Variants in CIZ1 observed in about 807,000 individuals in gnomAD.
The protein encoded by CIZ1 is CDKN1A interacting zinc finger protein 1, also known as cip1-interacting zinc finger protein.
A neutral mutation model predicts 118.6 loss-of-function variants in CIZ1; 58 were observed. The ratio of observed to expected loss-of-function variants is 0.49; its 90% CI spans 0.40 to 0.61. CIZ1 has a LOEUF of 0.61. Ranked by LOEUF, CIZ1 falls within the 20% of genes least tolerant of loss-of-function variation. The pLI is 0.00. For missense variants in CIZ1, 921 were observed against 1,115.9 expected (o/e 0.83, Z 2.49); for synonymous variants, 448 against 443.4 (o/e 1.01, Z -0.13).
Position 128,185,713 on chromosome 9 carries a change from TGTG to T in CIZ1, c.419_421del (p.Pro140del), listed in dbSNP as rs1832275344. 1 of 1,611,706 alleles carries T rather than the reference TGTG, an allele frequency of 6.2e-7. No homozygotes were observed. The highest frequency in any genetic ancestry group is 8.5e-7 in the Non-Finnish European group (1 of 1,178,932). On this transcript the variant is annotated inframe_deletion, in exon 5 of 17. Coordinates refer to ENST00000372938, the MANE Select transcript of CIZ1 (RefSeq NM_001131016.2). ...CTGTTGCAAATTTGGAGTGGCCAGT[TGTG>T]GGGGTGTGAGGCTGGGGGCTGCGAG...
chr9:128,188,877 C>T (rs763817299), intron 3 of CIZ1, among the ~76,000 whole-genome samples: 38 of 151,962 alleles, frequency 2.5e-4, no homozygotes, highest in African/African-American at 7.5e-4. Context: ...CAGCTCACTG[C>T]GACCTCCACC....
chr9:128,200,668 AAAG>A (rs1833490539), intron 1 of CIZ1, among the ~76,000 whole-genome samples: 1 of 150,610 alleles, frequency 6.6e-6, no homozygotes, highest in South Asian at 2.1e-4. Flanking sequence ...AAAAAAAAAA[AAAG>A]AAAGAAATAC....
intron 11 of CIZ1, among the ~76,000 whole-genome samples, chr9:128,175,078 C>T (rs933979067): frequency 6.6e-6 from 1 of 152,176 alleles, no homozygotes; most frequent in Admixed American, 6.5e-5. Context: ...GCTTGTGCTA[C>T]GTATGTCCTT....
chr9:128,188,078 C>CAAAAAAAAAAAAA (rs1832648942), intron 3 of CIZ1, 144 bp from the exon 4 acceptor site: 1 of 150,008 alleles, frequency 6.7e-6, no homozygotes, highest in Non-Finnish European at 1.1e-5. Context: ...CAAAACAAAA[C>CAAAAAAAAAAAAA]AAAACAAAAA....
At position 128,185,552 on chromosome 9, in the gene CIZ1, G is replaced by C. The variant is rs1316600245; in HGVS notation, c.583C>G (p.Arg195Gly). ...CATCCCCACCTACCACTCACCTTTC[G>C]ATTGGGGGTGGTAGAGGAGGAGGTC... ...ARTSSSTTPN[R>G]KDSSSQTMPV... Residue 195 changes from arginine to glycine, a missense_variant, in exon 5 of 17, where the codon CGA (arginine) becomes GGA (glycine). Physicochemically the swap from Arg to Gly is moderately radical, Grantham distance 125 (BLOSUM62 -2). Coordinates refer to ENST00000372938, the MANE Select transcript of CIZ1 (RefSeq NM_001131016.2). The C allele has an allele frequency of 6.6e-7, 1 of 1,511,782 alleles. No homozygotes were observed. Among genetic ancestry groups the C allele is most frequent in the East Asian group, 2.3e-5 (1 of 43,208 alleles). The allele number at this position is 1,511,782 out of a possible 1,614,324, so 93.6% of individuals were successfully genotyped here.
upstream of CIZ1, among the ~76,000 whole-genome samples, chr9:128,195,949 G>C (rs569301358): frequency 6.6e-6 from 1 of 152,076 alleles, no homozygotes; most frequent in South Asian, 2.1e-4. Context: ...CACTGCACCC[G>C]CTGCCTCCTG....
chr9:128,167,181 G>A lies in CIZ1; in HGVS notation c.2296-17C>T, dbSNP rs1328838285. The stretch of plus-strand genomic sequence containing the variant: ...GGACCTCACCTGAAAACATGCAAGT[G>A]TGGGCCTCGGATCTGGCTTCCCCTT... On this transcript the variant is annotated splice_polypyrimidine_tract_variant and intron_variant, in intron 14 of 16. Coordinates refer to ENST00000372938, the MANE Select transcript of CIZ1 (RefSeq NM_001131016.2). 6.4e-7 allele frequency: 1 copy of A among 1,553,130 alleles called. No individual in the cohort carries two copies. The highest frequency in any genetic ancestry group is 8.7e-7 in the Non-Finnish European group (1 of 1,147,938).
rs1200843342 is a variant in CIZ1, at chr9:128,178,722, T to C, written c.1485A>G (p.Val495=). The C allele has an allele frequency of 6.2e-7, 1 of 1,613,328 alleles. No homozygotes were observed. Among genetic ancestry groups the C allele is most frequent in the South Asian group, 1.1e-5 (1 of 91,032 alleles). Residue 495 remains valine, a synonymous_variant, in exon 8 of 17, where the codon GTA becomes GTG. Coordinates refer to ENST00000372938, the MANE Select transcript of CIZ1 (RefSeq NM_001131016.2). ...GTGCTCACTTACCTCCACCAGCTTC[T>C]ACTGCATCAGGTGGCATCTCCAGCC... The part of the protein sequence containing the change: ...VCGLEMPPDA[V]EAGGGMEKTL...
intron 11 of CIZ1, among the ~76,000 whole-genome samples, chr9:128,176,017 C>T (rs1423946686): frequency 1.3e-5 from 2 of 152,196 alleles, no homozygotes; most frequent in Non-Finnish European, 2.9e-5. Flanking sequence ...GAACCTGATC[C>T]TCAGCCTTGT....
At chr9:128,172,106 C>T (rs139447526) in intron 11 of CIZ1, among the ~76,000 whole-genome samples, 5 of 130,870 alleles carry the variant, frequency 3.8e-5, no homozygotes, top group South Asian at 2.5e-4. Flanking sequence ...TGTGATCACA[C>T]CACTACGCTC....
chr9:128,182,104 C>T (rs1041084823), intron 5 of CIZ1, among the ~76,000 whole-genome samples: 8 of 152,218 alleles, frequency 5.3e-5, no homozygotes, highest in East Asian at 3.9e-4. Context: ...CCAGTGGACA[C>T]GTGACCCACG....
intron 11 of CIZ1, among the ~76,000 whole-genome samples, chr9:128,173,223 C>A (rs1460060597): frequency 2.1e-5 from 3 of 145,834 alleles, no homozygotes; most frequent in Admixed American, 7.0e-5. Flanking sequence ...TGGCTTACTG[C>A]AAGCTCCGCC....
intron 14 of CIZ1, among the ~76,000 whole-genome samples, chr9:128,168,584 A>G (rs973668864): frequency 2.0e-5 from 3 of 151,978 alleles, no homozygotes; most frequent in Admixed American, 1.3e-4. Flanking sequence ...CATTCATGAG[A>G]GACAGGGTAG....
chr9:128,190,980 A>G lies in CIZ1; in HGVS notation c.-5-118T>C, dbSNP rs1278558482. On this transcript the variant is annotated intron_variant, in intron 1 of 16. Coordinates refer to ENST00000372938, the MANE Select transcript of CIZ1 (RefSeq NM_001131016.2). The stretch of plus-strand genomic sequence containing the variant: ...CGCAGAGACTGCTGAGGAGCTTCAC[A>G]GCTGCATTCCCAGTCCTGCCAAGAG... The G allele has an allele frequency of 5.8e-6, 8 of 1,368,938 alleles. No individual in the cohort carries two copies. In the East Asian group the frequency reaches 7.6e-5, roughly 13 times the overall value. The allele number at this position is 1,368,938 out of a possible 1,614,324, so 84.8% of individuals were successfully genotyped here.
chr9:128,185,464 C>T (rs1832241971), intron 5 of CIZ1, 83 bp downstream of exon 5: 1 of 883,246 alleles, frequency 1.1e-6, no homozygotes, highest in Non-Finnish European at 1.7e-6. Context: ...TGTCCGAAGG[C>T]CCAGACTGAG....
At position 128,179,083 on chromosome 9, in the gene CIZ1, A is replaced by G. The variant is rs879123888; in HGVS notation, c.1124T>C (p.Val375Ala). The G allele has an allele frequency of 6.2e-7, 1 of 1,613,626 alleles. No homozygotes were observed. Reference protein sequence around the residue: ...LQQEAEPQKQVQPQVQPQAHS... With the variant: ...LQQEAEPQKQAQPQVQPQAHS... ...TGCCTGTGGCTGTACCTGTGGCTGCACCTGCTTCTGTGGCTCTGCCTCCTG... is the reference window on the plus strand; with the variant it reads ...TGCCTGTGGCTGTACCTGTGGCTGCGCCTGCTTCTGTGGCTCTGCCTCCTG... The change falls in exon 8 of 17, where the codon GTG becomes GCG. Residue 375 changes from valine to alanine, a missense_variant. Physicochemically the swap from Val to Ala is moderately conservative, Grantham distance 64 (BLOSUM62 0). Transcript: ENST00000372938.
At position 128,167,082 on chromosome 9, in the gene CIZ1, G is replaced by A. The variant is rs774596799; in HGVS notation, c.2365+13C>T. On this transcript the variant is annotated intron_variant, in intron 15 of 16. Coordinates refer to ENST00000372938, the MANE Select transcript of CIZ1 (RefSeq NM_001131016.2). ...TGAAGCTCCTGCAGGTGGGCTCAGAGCTGGGGCCTTACCATATGCAGTATT... is the reference window on the plus strand; with the variant it reads ...TGAAGCTCCTGCAGGTGGGCTCAGAACTGGGGCCTTACCATATGCAGTATT... 1.3e-6 allele frequency: 2 copies of A among 1,592,406 alleles called. No individual in the cohort carries two copies. Among genetic ancestry groups the A allele is most frequent in the Non-Finnish European group, 1.7e-6 (2 of 1,168,484 alleles).
intron 7 of CIZ1, 89 bp downstream of exon 7, chr9:128,180,326 T>G (rs1831412326): frequency 1.1e-6 from 1 of 936,010 alleles, no homozygotes; most frequent in East Asian, 2.4e-5. Context: ...CACTGAATGG[T>G]GCACCCCCTC....
chr9:128,170,856 C>T (rs1335261606), intron 11 of CIZ1, among the ~76,000 whole-genome samples: 6 of 152,224 alleles, frequency 3.9e-5, no homozygotes, highest in Admixed American at 2.0e-4. Flanking sequence ...AAAGGGAGGC[C>T]GGGCATAGTG....
Sources: gnomAD v4.1 joint callset for allele counts (sites outside exome capture counted in the v4.1 genomes callset) on GRCh38, gnomAD v4.1.1 for gene constraint, MANE v1.5 for transcripts, NCBI Gene and HGNC (gene_info 2026-07-23, HGNC 2026-07-21) for gene names.